NXPE2: variants seen among roughly 807,000 people sequenced by gnomAD.
NXPE2 encodes the protein NXPE family member 2.
A neutral mutation model predicts 34.4 loss-of-function variants in NXPE2; 34 were observed. The observed-to-expected ratio is 0.99, with a 90% confidence interval of 0.75 to 1.31. NXPE2 has a LOEUF of 1.31. Among genes scored for constraint, NXPE2 ranks in the 40% most tolerant of loss-of-function variants. The pLI is 0.00. For missense variants in NXPE2, 649 were observed against 672.5 expected (o/e 0.97, Z 0.39); for synonymous variants, 235 against 231.3 (o/e 1.02, Z -0.15).
chr11:114,532,216 G>A, the NXPE2 span, among the ~76,000 whole-genome samples: 1 of 152,094 alleles, frequency 6.6e-6, no homozygotes, highest in South Asian at 2.1e-4. Flanking sequence ...AAGACAATGA[G>A]ATATCATTTA....
chr11:114,530,581 T>C, the NXPE2 span: 1 of 1,613,992 alleles, frequency 6.2e-7, no homozygotes, highest in Non-Finnish European at 8.5e-7. Flanking sequence ...GGGGAGGACA[T>C]CCTGGCCCTC....
chr11:114,499,593 C>T, the NXPE2 span, among the ~76,000 whole-genome samples: 103 of 152,216 alleles, frequency 6.8e-4, no homozygotes, highest in African/African-American at 2.4e-3. Flanking sequence ...AAATACGTAT[C>T]TTAAGGGTAC....
At chr11:114,782,757 T>G in the NXPE2 span, among the ~76,000 whole-genome samples, 6 of 152,228 alleles carry the variant, frequency 3.9e-5, no homozygotes, top group Non-Finnish European at 7.3e-5. Context: ...GTATGGTTCT[T>G]GAATCCAACA....
At chr11:114,687,065 T>A (rs1201130782) in intron 2 of NXPE2, among the ~76,000 whole-genome samples, 2 of 152,270 alleles carry the variant, frequency 1.3e-5, no homozygotes, top group East Asian at 3.9e-4. Flanking sequence ...CTGTAGCTTG[T>A]CTGTTTGTTC....
chr11:114,755,152 G>A, the NXPE2 span, among the ~76,000 whole-genome samples: 1 of 152,154 alleles, frequency 6.6e-6, no homozygotes, highest in African/African-American at 2.4e-5. Context: ...GCAGAAAAAT[G>A]GGGTTGGAGA....
chr11:114,510,924 TTTAA>T, the NXPE2 span, among the ~76,000 whole-genome samples: 1 of 152,136 alleles, frequency 6.6e-6, no homozygotes, highest in Non-Finnish European at 1.5e-5. Context: ...GATATTAAAA[TTTAA>T]TTAGTAATGC....
chr11:114,660,919 GT>G, the NXPE2 span, among the ~76,000 whole-genome samples: 190 of 151,996 alleles, frequency 1.3e-3, no homozygotes, highest in African/African-American at 4.3e-3. Flanking sequence ...TTAATATAAA[GT>G]TTTTTTTAGG....
chr11:114,583,527 A>T, the NXPE2 span: 1 of 611,120 alleles, frequency 1.6e-6, no homozygotes, highest in Non-Finnish European at 3.2e-6. Flanking sequence ...AAGCGGATGC[A>T]GAGATTCAAC....
At chr11:114,540,675 A>C in the NXPE2 span, among the ~76,000 whole-genome samples, 1 of 152,036 alleles carries the variant, frequency 6.6e-6, no homozygotes, top group Non-Finnish European at 1.5e-5. Context: ...GCCAAAAACA[A>C]GTACCTGAAG....
upstream of NXPE2, among the ~76,000 whole-genome samples, chr11:114,674,400 C>T (rs897265829): frequency 2.0e-5 from 3 of 151,620 alleles, no homozygotes; most frequent in African/African-American, 7.3e-5. Flanking sequence ...CACTTAGCTA[C>T]ATAAAGACTA....
At chr11:114,468,035 G>A in the NXPE2 span, among the ~76,000 whole-genome samples, 1 of 151,876 alleles carries the variant, frequency 6.6e-6, no homozygotes, top group Admixed American at 6.6e-5. Context: ...TTTAGAGCAA[G>A]GGTGTCCAAT....
the NXPE2 span, among the ~76,000 whole-genome samples, chr11:114,534,133 C>G: frequency 8.5e-5 from 13 of 152,288 alleles, no homozygotes; most frequent in East Asian, 2.5e-3. Context: ...TAACCAATAT[C>G]CGCTGTTCTG....
chr11:114,779,511 A>T, the NXPE2 span, among the ~76,000 whole-genome samples: 1 of 152,068 alleles, frequency 6.6e-6, no homozygotes, highest in Non-Finnish European at 1.5e-5. Context: ...GCAGCATCCC[A>T]TCCCCGGGTG....
At chr11:114,502,142 A>G in the NXPE2 span, among the ~76,000 whole-genome samples, 1 of 152,176 alleles carries the variant, frequency 6.6e-6, no homozygotes, top group African/African-American at 2.4e-5. Flanking sequence ...AGTGTCACAT[A>G]CTTGACACAT....
At chr11:114,514,242 C>G in the NXPE2 span, among the ~76,000 whole-genome samples, 1 of 152,130 alleles carries the variant, frequency 6.6e-6, no homozygotes, top group Non-Finnish European at 1.5e-5. Flanking sequence ...TTTAAGCAGT[C>G]TCTCATTGCT....
At chr11:114,620,833 A>T in the NXPE2 span, among the ~76,000 whole-genome samples, 1 of 151,994 alleles carries the variant, frequency 6.6e-6, no homozygotes, top group East Asian at 1.9e-4. Context: ...TGTGTCTAAT[A>T]AGTGTTGCCT....
the NXPE2 span, among the ~76,000 whole-genome samples, chr11:114,608,848 G>A: frequency 6.6e-6 from 1 of 151,784 alleles, no homozygotes; most frequent in Non-Finnish European, 1.5e-5. Flanking sequence ...AATAAGTGTT[G>A]CCTTGTGGGT....
At chr11:114,641,767 G>A in the NXPE2 span, among the ~76,000 whole-genome samples, 1 of 151,996 alleles carries the variant, frequency 6.6e-6, no homozygotes, top group Non-Finnish European at 1.5e-5. Flanking sequence ...ATTTGATCAA[G>A]GGGAAAAGAA....
chr11:114,516,126 G>A, the NXPE2 span, among the ~76,000 whole-genome samples: 1 of 152,174 alleles, frequency 6.6e-6, no homozygotes, highest in Non-Finnish European at 1.5e-5. Flanking sequence ...CTGTTGCTAA[G>A]CCTGTGATCT....
Sources: allele counts gnomAD v4.1 joint callset (sites outside exome capture counted in the v4.1 genomes callset), GRCh38; gene constraint gnomAD v4.1.1; transcripts MANE v1.5; gene names NCBI Gene and HGNC (gene_info 2026-07-23, HGNC 2026-07-21).